The following TERF2 variants were observed in gnomAD, a reference collection of about 807,000 sequenced individuals.
TERF2 encodes the protein telomeric repeat binding factor 2, also known as telomeric repeat-binding factor 2.
A neutral mutation model predicts 56.1 loss-of-function variants in TERF2; 16 were observed. That is an observed-to-expected ratio of 0.29 (90% CI 0.19 to 0.43). The LOEUF is 0.43. TERF2 is among the 20% of genes least tolerant of loss of function. TERF2 has a pLI of 1.00. For synonymous variants in TERF2, 296 were observed against 282.1 expected (o/e 1.05, Z -0.50); for missense variants, 547 against 712.9 (o/e 0.77, Z 2.65).
rs771920288 is a variant in TERF2, at chr16:69,370,479, G to A, written c.840+4C>T. The A allele has an allele frequency of 9.9e-6, 16 of 1,613,828 alleles. 1 individual carries two copies. Among genetic ancestry groups the A allele is most frequent in the Admixed American group, 8.3e-5 (5 of 59,902 alleles). On this transcript the variant is annotated splice_donor_region_variant and intron_variant, in intron 5 of 9. Coordinates refer to ENST00000254942, the MANE Select transcript of TERF2 (RefSeq NM_005652.5). ...ATGGTTATGGGAGAAGGGCCAAGGC[G>A]CACCGTGAGGAGGTAGGGCTCGGCG... is the stretch of plus-strand genomic sequence containing the variant.
At position 69,369,647 on chromosome 16, in the gene TERF2, C is replaced by G. The variant is rs116400012; in HGVS notation, c.840+836G>C. ...ACAAAACCACTCTCACTCAGTGTTC[C>G]TTCACCACAGTCTCCCATCTATGAC... On this transcript the variant is annotated intron_variant, in intron 5 of 9. Transcript: ENST00000254942. Among the ~76,000 whole-genome samples the G allele has an allele frequency of 4.9e-3, 745 of 152,308 alleles. 3 individuals carry two copies. The highest frequency in any genetic ancestry group is 0.017 in the African/African-American group (727 of 41,560).
chr16:69,380,649 T>G (rs1045912155), intron 3 of TERF2, among the ~76,000 whole-genome samples: 4 of 145,852 alleles, frequency 2.7e-5, no homozygotes, highest in Non-Finnish European at 6.0e-5. Context: ...AGAGAGAGAC[T>G]ACGTCTAAAA....
intron 3 of TERF2, among the ~76,000 whole-genome samples, chr16:69,380,087 A>G (rs2142763044): frequency 6.6e-6 from 1 of 151,916 alleles, no homozygotes; most frequent in East Asian, 1.9e-4. Flanking sequence ...TAATTTTTGT[A>G]TTTTTGGTAG....
Position 69,385,574 on chromosome 16 carries a change from C to T in TERF2, c.379+19G>A, listed in dbSNP as rs2014168590. On this transcript the variant is annotated intron_variant, in intron 1 of 9. Coordinates refer to ENST00000254942, the MANE Select transcript of TERF2 (RefSeq NM_005652.5). ...CCTTCCCCGGCGCTCCAACCCCCCT[C>T]CCCCGGCCCGGCCCTCACCCTGCAT... is the stretch of plus-strand genomic sequence containing the variant. 2.5e-6 allele frequency: 4 copies of T among 1,586,984 alleles called. No homozygotes were observed. The highest frequency in any genetic ancestry group is 2.2e-5 in the South Asian group (2 of 90,454).
intron 7 of TERF2, among the ~76,000 whole-genome samples, chr16:69,362,453 C>T (rs758328714): frequency 3.3e-5 from 5 of 152,192 alleles, no homozygotes; most frequent in Non-Finnish European, 5.9e-5. Flanking sequence ...CCATCCCAAA[C>T]ACATAGCATA....
intron 7 of TERF2, among the ~76,000 whole-genome samples, chr16:69,362,881 T>C (rs2013197632): frequency 6.6e-6 from 1 of 152,204 alleles, no homozygotes; most frequent in Non-Finnish European, 1.5e-5. Context: ...ATTTCTGTAT[T>C]CTTCACCCGC....
rs547673275 is a variant in TERF2 at position 69,366,899 on chromosome 16, G to A, written c.1248C>T (p.Ser416=). The part of the protein sequence containing the change: ...LEEDSQSTEP[S]AGLNSSQEAA... ...CCTCCTGGGAGGAGTTGAGGCCTGC[G>A]CTGGGCTCAGTACTCTGGCTGTCCT... Residue 416 remains serine, a synonymous_variant, in exon 7 of 10, where the codon AGC becomes AGT. Transcript: ENST00000254942. The A allele has an allele frequency of 3.5e-5, 56 of 1,614,184 alleles. 1 individual carries two copies. The highest frequency in any genetic ancestry group is 2.1e-4 in the African/African-American group (16 of 75,062).
At chr16:69,359,540 AAAG>A (rs1349076263) in intron 8 of TERF2, among the ~76,000 whole-genome samples, 1 of 151,522 alleles carries the variant, frequency 6.6e-6, no homozygotes, top group Non-Finnish European at 1.5e-5. Context: ...AAAAAAAAAA[AAAG>A]AAATCATATG....
At chr16:69,366,114 G>C (rs545277481) in intron 7 of TERF2, 3 of 152,330 alleles carry the variant, frequency 2.0e-5, no homozygotes, top group Admixed American at 6.5e-5. Context: ...TCCCTTTAAA[G>C]GACAAATGGG....
intron 5 of TERF2, chr16:69,368,686 A>AT (rs902436855): frequency 4.1e-5 from 55 of 1,342,544 alleles, no homozygotes; most frequent in African/African-American, 8.8e-5. Flanking sequence ...TAACTAATAC[A>AT]TTTTTTTTGA....
rs2012868069 is a variant in TERF2 at position 69,355,600 on chromosome 16, C to G, written c.*1298G>C. 2.0e-5 allele frequency: 3 copies of G among 152,456 alleles called. No homozygotes were observed. Among genetic ancestry groups the G allele is most frequent in the Admixed American group, 1.3e-4 (2 of 15,276 alleles). The allele number at this position is 152,456 out of a possible 1,614,324, so 9.4% of individuals were successfully genotyped here. On this transcript the variant is annotated 3_prime_UTR_variant, in exon 10 of 10. Transcript: ENST00000254942. ...AGCAAGACTTTAATGAAGAATGCTA[C>G]AAGTATGGACAATAATTAGTTCTCA... is the stretch of plus-strand genomic sequence containing the variant.
At chr16:69,376,863 GAAA>G (rs59645035) in intron 3 of TERF2, among the ~76,000 whole-genome samples, 1 of 111,012 alleles carries the variant, frequency 9.0e-6, no homozygotes, top group Admixed American at 1.0e-4. Context: ...TTGTCACATT[GAAA>G]AAAAAAAAAA....
In TERF2 at chr16:69,382,713, A is replaced by G. The variant is rs551295122; in HGVS notation, c.606+1867T>C. On this transcript the variant is annotated intron_variant, in intron 3 of 9. Transcript: ENST00000254942. ...CTGAAGTGTCCAGCCAACAGCCAGTAGGAAAGTGAGTCTTGTTAACAACTA... is the reference window on the plus strand; with the variant it reads ...CTGAAGTGTCCAGCCAACAGCCAGTGGGAAAGTGAGTCTTGTTAACAACTA... 9.2e-5 allele frequency among the ~76,000 whole-genome samples: 14 copies of G among 152,342 alleles called. No individual in the cohort carries two copies. In the South Asian group the frequency reaches 1.0e-3, roughly 11 times the overall value.
chr16:69,377,040 A>C (rs2013817668), intron 3 of TERF2, among the ~76,000 whole-genome samples: 2 of 151,618 alleles, frequency 1.3e-5, no homozygotes, highest in Non-Finnish European at 2.9e-5. Context: ...ATCTCTACTA[A>C]AAACACACAA....
chr16:69,379,456 C>G (rs1396583720), intron 3 of TERF2, among the ~76,000 whole-genome samples: 2 of 152,140 alleles, frequency 1.3e-5, no homozygotes, highest in Admixed American at 6.5e-5. Flanking sequence ...GTGTTGCTAC[C>G]CCTTGTTCTC....
chr16:69,383,581 TA>T, intron 3 of TERF2, among the ~76,000 whole-genome samples: 1 of 152,352 alleles, frequency 6.6e-6, no homozygotes, highest in African/African-American at 2.4e-5. Context: ...TGGAAATGAC[TA>T]ATATTTAAGC....
At chr16:69,379,043 G>T (rs965300739) in intron 3 of TERF2, among the ~76,000 whole-genome samples, 1 of 151,964 alleles carries the variant, frequency 6.6e-6, no homozygotes, top group Non-Finnish European at 1.5e-5. Context: ...ATTTGTTAAG[G>T]TTTCTAGGGT....
chr16:69,367,131 C>A lies in TERF2; in HGVS notation c.1016G>T (p.Gly339Val), dbSNP rs756795095. ...AAAGGCTGCCTCAGAATCCTGTGCACCAGACAGAGTCTTGAAAGCTGCTTT... is the reference window on the plus strand; with the variant it reads ...AAAGGCTGCCTCAGAATCCTGTGCAACAGACAGAGTCTTGAAAGCTGCTTT... Reference protein sequence around the residue: ...TLKAAFKTLSGAQDSEAAFAK... With the variant: ...TLKAAFKTLSVAQDSEAAFAK... Residue 339 changes from glycine to valine, a missense_variant, in exon 7 of 10, where the codon GGT becomes GTT. Physicochemically the swap from Gly to Val is moderately radical, Grantham distance 109. Coordinates refer to ENST00000254942, the MANE Select transcript of TERF2 (RefSeq NM_005652.5). 2 of 1,614,184 alleles carry A rather than the reference C, an allele frequency of 1.2e-6. No individual in the cohort carries two copies. The highest frequency in any genetic ancestry group is 1.1e-5 in the South Asian group (1 of 91,082).
chr16:69,372,246 G>C (rs2013603912), intron 4 of TERF2, 23 bp downstream of exon 4: 1 of 1,554,472 alleles, frequency 6.4e-7, no homozygotes, highest in South Asian at 1.2e-5. Flanking sequence ...TAAGTCACAG[G>C]AGCAAAAATG....
Sources: allele counts gnomAD v4.1 joint callset (sites outside exome capture counted in the v4.1 genomes callset), GRCh38; gene constraint gnomAD v4.1.1; transcripts MANE v1.5; gene names NCBI Gene and HGNC (gene_info 2026-07-23, HGNC 2026-07-21).